The following NPTN variants were observed in gnomAD, a reference collection of about 807,000 sequenced individuals.
NPTN encodes the protein neuroplastin.
NPTN carries 5 observed loss-of-function variants against 42.7 expected under a neutral mutation model. That is an observed-to-expected ratio of 0.12 (90% CI 0.06 to 0.25). The LOEUF (loss-of-function observed/expected upper bound fraction) is 0.25. Among genes scored for constraint, NPTN ranks in the 10% least tolerant of loss-of-function variants. NPTN has a pLI of 1.00. For synonymous variants in NPTN, 180 were observed against 201.9 expected (o/e 0.89, Z 0.92); for missense variants, 307 against 525.4 (o/e 0.58, Z 4.06).
intron 1 of NPTN, among the ~76,000 whole-genome samples, chr15:73,628,900 C>T (rs1209303881): frequency 6.6e-6 from 1 of 152,120 alleles, no homozygotes; most frequent in Non-Finnish European, 1.5e-5. Context: ...CAATGGGATT[C>T]CCTTAAAACA....
chr15:73,600,810 G>C (rs1431542433), intron 1 of NPTN, among the ~76,000 whole-genome samples: 1 of 152,208 alleles, frequency 6.6e-6, no homozygotes, highest in African/African-American at 2.4e-5. Context: ...AATGGAGATA[G>C]AGAAGCACTG....
chr15:73,569,424 C>T lies in NPTN; in HGVS notation c.1114+726G>A, dbSNP rs764134049. 1 of 985,960 alleles carries T rather than the reference C, an allele frequency of 1.0e-6. No homozygotes were observed. The highest frequency in any genetic ancestry group is 1.2e-6 in the Non-Finnish European group (1 of 830,330). 61.1% of individuals were successfully genotyped at this position (985,960 alleles called of 1,614,324 possible). A position where few individuals can be genotyped will look rare whatever the true frequency, so the allele number is the denominator to read the frequency against. ...TTCTGCTGCTACCATCTCCTCCCTT[C>T]TCTGACCCTAGGCCAGCTTGAGGGC... is the stretch of plus-strand genomic sequence containing the variant. On this transcript the variant is annotated intron_variant, in intron 6 of 8. Coordinates refer to ENST00000345330, the MANE Select transcript of NPTN (RefSeq NM_012428.4). The surrounding 1 kb of genome is among the most constrained non-coding windows in gnomAD (Gnocchi z 4.1).
chr15:73,631,645 C>G (rs1254527415), intron 1 of NPTN, among the ~76,000 whole-genome samples: 2 of 152,152 alleles, frequency 1.3e-5, no homozygotes, highest in Non-Finnish European at 2.9e-5. Context: ...TAAGAGTAAT[C>G]ATAAATTGTT....
intron 2 of NPTN, 86 bp from the exon 3 acceptor site, chr15:73,592,223 G>T: frequency 8.6e-7 from 1 of 1,168,026 alleles, no homozygotes; most frequent in Non-Finnish European, 1.2e-6. Context: ...GTAGGAGGGG[G>T]AAACTAGAAA....
intron 1 of NPTN, among the ~76,000 whole-genome samples, chr15:73,614,823 A>T (rs1244359178): frequency 6.6e-6 from 1 of 152,216 alleles, no homozygotes; most frequent in Non-Finnish European, 1.5e-5. Flanking sequence ...AAAGGTAGCC[A>T]TCAGAGCCAT....
intron 1 of NPTN, among the ~76,000 whole-genome samples, chr15:73,607,266 A>G (rs903044951): frequency 2.0e-5 from 3 of 152,218 alleles, no homozygotes; most frequent in African/African-American, 7.2e-5. Flanking sequence ...CTCAAAAGCC[A>G]TAGGTAATTA....
At chr15:73,598,508 T>TG (rs1896930740) in intron 1 of NPTN, among the ~76,000 whole-genome samples, 1 of 151,676 alleles carries the variant, frequency 6.6e-6, no homozygotes, top group Admixed American at 6.6e-5. Flanking sequence ...TTTAAAAACT[T>TG]GGAGTTAGGT....
chr15:73,563,828 C>A (rs145564726), intron 6 of NPTN, among the ~76,000 whole-genome samples: 2 of 152,192 alleles, frequency 1.3e-5, no homozygotes, highest in African/African-American at 4.8e-5. Context: ...ATAGTTCAAC[C>A]TAAATTGGGT....
intron 1 of NPTN, among the ~76,000 whole-genome samples, chr15:73,603,615 T>C (rs1897164095): frequency 6.6e-6 from 1 of 152,226 alleles, no homozygotes; most frequent in Admixed American, 6.5e-5. Flanking sequence ...ATGAATAATC[T>C]GGAAAGTCCA....
intron 1 of NPTN, among the ~76,000 whole-genome samples, chr15:73,603,706 A>G (rs1011786141): frequency 6.6e-6 from 1 of 151,982 alleles, no homozygotes; most frequent in Non-Finnish European, 1.5e-5. Context: ...AATCCTATCA[A>G]TTATAAATCA....
At chr15:73,621,839 A>C (rs1898148367) in intron 1 of NPTN, among the ~76,000 whole-genome samples, 1 of 152,190 alleles carries the variant, frequency 6.6e-6, no homozygotes, top group South Asian at 2.1e-4. Flanking sequence ...ATGTTCCTTA[A>C]TATCATTCTC....
chr15:73,596,237 A>G (rs1375713546), intron 2 of NPTN, among the ~76,000 whole-genome samples: 4 of 152,246 alleles, frequency 2.6e-5, no homozygotes, highest in African/African-American at 9.6e-5. Context: ...GCTTTTAAAG[A>G]GGAGACTAAT....
At chr15:73,596,747 C>T (rs185211917) in intron 2 of NPTN, among the ~76,000 whole-genome samples, 35 of 152,162 alleles carry the variant, frequency 2.3e-4, no homozygotes, top group Non-Finnish European at 4.3e-4. Context: ...TGGACAGTCA[C>T]GGATTTCCTC....
intron 3 of NPTN, 54 bp downstream of exon 3, chr15:73,591,912 G>A: frequency 6.6e-7 from 1 of 1,520,330 alleles, no homozygotes; most frequent in Non-Finnish European, 8.9e-7. Flanking sequence ...TGAATGTCAA[G>A]TAAGCTCAGC....
intron 1 of NPTN, among the ~76,000 whole-genome samples, chr15:73,613,671 G>A (rs118050935): frequency 0.051 from 7,713 of 152,024 alleles, 208 homozygotes; most frequent in South Asian, 0.093. Flanking sequence ...GAAGCTACGC[G>A]GTAACAAAAT....
chr15:73,632,752 C>T (rs1233049783), intron 1 of NPTN: 5 of 196,744 alleles, frequency 2.5e-5, no homozygotes, highest in Non-Finnish European at 5.1e-5. Flanking sequence ...GGAACACAAA[C>T]GCCGGTCTTG....
Position 73,592,560 on chromosome 15 carries a change from C to A in NPTN, c.440-423G>T, listed in dbSNP as rs149357969. Reference sequence around the variant, plus strand: ...ATAAACTCCCTATTGTACCACTGGGCCTTGGAACAGTAATAATTACATAAT... The same window carrying A: ...ATAAACTCCCTATTGTACCACTGGGACTTGGAACAGTAATAATTACATAAT... On this transcript the variant is annotated intron_variant, in intron 2 of 8. Coordinates refer to ENST00000345330, the MANE Select transcript of NPTN (RefSeq NM_012428.4). Among the ~76,000 whole-genome samples, 52 of 152,248 alleles carry A rather than the reference C, an allele frequency of 3.4e-4. 2 individuals carry two copies. In the East Asian group the frequency reaches 0.01, roughly 29 times the overall value.
rs149071386 is a variant in NPTN, at chr15:73,573,326, TA to T, written c.840+335del. Among the ~76,000 whole-genome samples, 858 of 152,314 alleles carry T rather than the reference TA, an allele frequency of 5.6e-3. 6 individuals carry two copies. The highest frequency in any genetic ancestry group is 0.02 in the African/African-American group (818 of 41,576). On this transcript the variant is annotated intron_variant, in intron 5 of 8. Coordinates refer to ENST00000345330, the MANE Select transcript of NPTN (RefSeq NM_012428.4). ...GAGGCCTCCCCGGCAATGCTTCCTG[TA>T]AAGCCTGTGGAATCATGAGCCAATT...
chr15:73,633,125 C>G lies in NPTN; in HGVS notation c.91G>C (p.Ala31Pro). The change falls in exon 1 of 9, where the codon GCT becomes CCT. Residue 31 changes from alanine (A) to proline (P), a missense_variant and splice_region_variant. Around this residue, in one of 2 missense-constraint regions of NPTN, gnomAD observed 264 missense variants for 491.1 expected, o/e 0.54. Coordinates refer to ENST00000345330, the MANE Select transcript of NPTN (RefSeq NM_012428.4). ...LLPGPGAAQN[A>P]GFVKSPMSET... ...GGCCCGCCCCCGGCGCCCCGCTTACCGTTCTGAGCGGCGCCTGGCCCTGGG... is the reference window on the plus strand; with the variant it reads ...GGCCCGCCCCCGGCGCCCCGCTTACGGTTCTGAGCGGCGCCTGGCCCTGGG... 2 of 1,479,136 alleles carry G rather than the reference C, an allele frequency of 1.4e-6. No individual in the cohort carries two copies. The highest frequency in any genetic ancestry group is 1.8e-6 in the Non-Finnish European group (2 of 1,121,752). 91.6% of individuals were successfully genotyped at this position (1,479,136 alleles called of 1,614,324 possible).
Sources: allele counts gnomAD v4.1 joint callset (sites outside exome capture counted in the v4.1 genomes callset), GRCh38; gene constraint gnomAD v4.1.1; regional missense constraint gnomAD v4.1.1; non-coding constraint Gnocchi (gnomAD v3.1); transcripts MANE v1.5; gene names NCBI Gene and HGNC (gene_info 2026-07-23, HGNC 2026-07-21).